TSHZ2: variants seen among roughly 807,000 people sequenced by gnomAD.
TSHZ2 encodes the protein teashirt zinc finger homeobox 2.
In TSHZ2, 21 loss-of-function variants were observed where a neutral mutation model predicts 74.4. The ratio of observed to expected loss-of-function variants is 0.28; its 90% CI spans 0.20 to 0.41. The LOEUF is 0.41. Among genes scored for constraint, TSHZ2 ranks in the 10% least tolerant of loss-of-function variants. The pLI, the probability that TSHZ2 is intolerant of heterozygous loss-of-function variation, is 1.00. For synonymous variants in TSHZ2, 540 were observed against 515.3 expected (o/e 1.05, Z -0.65); for missense variants, 1,244 against 1,293.5 (o/e 0.96, Z 0.59).
chr20:53,469,078 T>TATATATATATATATATATAC (rs1985667655), intron 2 of TSHZ2, among the ~76,000 whole-genome samples: 1 of 135,690 alleles, frequency 7.4e-6, no homozygotes, highest in Non-Finnish European at 1.6e-5. Flanking sequence ...TATATATATA[T>TATATATATATATATATATAC]ATATATGTAC....
intron 2 of TSHZ2, among the ~76,000 whole-genome samples, chr20:53,339,837 C>A (rs1980108546): frequency 6.6e-6 from 1 of 152,140 alleles, no homozygotes. Flanking sequence ...CTCCTAAATC[C>A]ACGCAAAACT....
chr20:53,473,001 G>T (rs1985872403), intron 2 of TSHZ2, among the ~76,000 whole-genome samples: 1 of 151,854 alleles, frequency 6.6e-6, no homozygotes, highest in Non-Finnish European at 1.5e-5. Context: ...GGCTGGGAGG[G>T]TCCTACGCCC....
intron 2 of TSHZ2, among the ~76,000 whole-genome samples, chr20:53,455,807 A>G (rs6068551): frequency 0.56 from 82,168 of 146,350 alleles, 23,222 homozygotes; most frequent in African/African-American, 0.68. Context: ...GAGAATATGC[A>G]GTGTTTGGTT....
intron 2 of TSHZ2, among the ~76,000 whole-genome samples, chr20:53,325,937 A>G (rs1261568566): frequency 4.6e-5 from 7 of 151,990 alleles, no homozygotes; most frequent in Admixed American, 6.6e-5. Flanking sequence ...ATCTGCCACC[A>G]CGCCCAGCTA....
rs576538688 is a variant in TSHZ2, at chr20:53,246,837, G to A, written c.41-6662G>A. Among the ~76,000 whole-genome samples, 36 of 152,288 alleles carry A rather than the reference G, an allele frequency of 2.4e-4. 1 individual carries two copies. The highest frequency in any genetic ancestry group is 8.2e-4 in the African/African-American group (34 of 41,550). On this transcript the variant is annotated intron_variant, in intron 1 of 2. Coordinates refer to ENST00000371497, the MANE Select transcript of TSHZ2 (RefSeq NM_173485.6). ...GTTTTACAGTCCAAAGAGCTGTAAC[G>A]ATGGCCCAGGAAAGAAGCAACAAGC...
chr20:53,301,205 ACCT>A (rs1170423451), intron 2 of TSHZ2, among the ~76,000 whole-genome samples: 1 of 152,016 alleles, frequency 6.6e-6, no homozygotes, highest in African/African-American at 2.4e-5. Context: ...TGATCCTCCC[ACCT>A]CAGCCTCCCA....
At chr20:53,394,277 G>A (rs892566083) in intron 2 of TSHZ2, among the ~76,000 whole-genome samples, 4 of 152,200 alleles carry the variant, frequency 2.6e-5, no homozygotes, top group Admixed American at 6.5e-5. Context: ...CCCAGTTGAG[G>A]TTTGGAATAA....
intron 1 of TSHZ2, among the ~76,000 whole-genome samples, chr20:53,144,609 T>C (rs948622788): frequency 1.3e-5 from 2 of 152,196 alleles, no homozygotes; most frequent in Non-Finnish European, 2.9e-5. Context: ...TATTAGGTAT[T>C]ATTATTATTC....
At chr20:52,985,493 A>C (rs1981719939) in intron 1 of TSHZ2, among the ~76,000 whole-genome samples, 1 of 152,178 alleles carries the variant, frequency 6.6e-6, no homozygotes, top group Admixed American at 6.5e-5. Context: ...GGGGATAATA[A>C]AACCCCCTTC....
intron 1 of TSHZ2, among the ~76,000 whole-genome samples, chr20:52,975,214 C>T (rs1487381484): frequency 1.3e-5 from 2 of 151,914 alleles, no homozygotes; most frequent in African/African-American, 2.4e-5. Flanking sequence ...CCCTGGGCTA[C>T]GGTCCAGCAA....
rs1223897480 is a variant in TSHZ2, at chr20:53,469,780, G to C, written c.*9-17364G>C. Among the ~76,000 whole-genome samples, 3 of 133,530 alleles carry C rather than the reference G, an allele frequency of 2.2e-5. 1 individual carries two copies. Among genetic ancestry groups the C allele is most frequent in the Non-Finnish European group, 4.9e-5 (3 of 61,466 alleles). 87.6% of individuals were successfully genotyped at this position (133,530 alleles called of 152,430 possible). A position where few individuals can be genotyped will look rare whatever the true frequency, so the allele number is the denominator to read the frequency against. ...AGATAGAGAGGGAGGAAGGGAGGGA[G>C]GGAGGGAGGAAGGAAGGAAGGAAGG... On this transcript the variant is annotated intron_variant, in intron 2 of 2. Coordinates refer to ENST00000371497, the MANE Select transcript of TSHZ2 (RefSeq NM_173485.6).
intron 2 of TSHZ2, among the ~76,000 whole-genome samples, chr20:53,389,541 C>T (rs538860454): frequency 4.9e-4 from 75 of 152,230 alleles, no homozygotes; most frequent in African/African-American, 1.6e-3. Flanking sequence ...CTAGCAAATG[C>T]TAGGAGGAGG....
At chr20:53,468,478 T>TTGTTGTTG (rs1295844924) in intron 2 of TSHZ2, among the ~76,000 whole-genome samples, 1 of 152,050 alleles carries the variant, frequency 6.6e-6, no homozygotes, top group Non-Finnish European at 1.5e-5. Context: ...GACATTTTTG[T>TTGTTGTTG]TGTTGTTGTT....
intron 2 of TSHZ2, among the ~76,000 whole-genome samples, chr20:53,469,832 G>C (rs1387681004): frequency 7.4e-6 from 1 of 134,566 alleles, no homozygotes; most frequent in Middle Eastern, 3.8e-3. Flanking sequence ...GAAAGAGAGA[G>C]GGAGGAAGGG....
chr20:53,170,305 A>G lies in TSHZ2; in HGVS notation c.41-83194A>G, dbSNP rs185991709. Among the ~76,000 whole-genome samples the G allele has an allele frequency of 4.1e-3, 631 of 152,352 alleles. 3 individuals carry two copies. The highest frequency in any genetic ancestry group is 0.014 in the African/African-American group (588 of 41,582). On this transcript the variant is annotated intron_variant, in intron 1 of 2. Coordinates refer to ENST00000371497, the MANE Select transcript of TSHZ2 (RefSeq NM_173485.6). ...TGACATCTAGGCTAAGAAGCCGTAG[A>G]CTGCAGCCTGTATCTACTGTAATGT...
At chr20:53,094,787 T>A (rs1985991067) in intron 1 of TSHZ2, among the ~76,000 whole-genome samples, 1 of 152,148 alleles carries the variant, frequency 6.6e-6, no homozygotes, top group African/African-American at 2.4e-5. Flanking sequence ...CTTCCAGAAA[T>A]CAGGACTGAT....
intron 1 of TSHZ2, among the ~76,000 whole-genome samples, chr20:53,043,488 CTGCT>C (rs1984119881): frequency 6.6e-6 from 1 of 152,064 alleles, no homozygotes; most frequent in Admixed American, 6.5e-5. Context: ...TTGAGAAACT[CTGCT>C]TGTAACCCTA....
chr20:53,467,691 G>A (rs996455571), intron 2 of TSHZ2, among the ~76,000 whole-genome samples: 2 of 152,186 alleles, frequency 1.3e-5, no homozygotes, highest in Non-Finnish European at 2.9e-5. Context: ...AAAATGGAAA[G>A]AGAATATCAA....
At chr20:53,154,994 A>G (rs111819560) in intron 1 of TSHZ2, among the ~76,000 whole-genome samples, 7 of 152,144 alleles carry the variant, frequency 4.6e-5, no homozygotes, top group African/African-American at 1.7e-4. Context: ...AAGTTGAAAA[A>G]AAAATAGTTA....
Sources: allele counts gnomAD v4.1 joint callset (sites outside exome capture counted in the v4.1 genomes callset), GRCh38; gene constraint gnomAD v4.1.1; transcripts MANE v1.5; gene names NCBI Gene and HGNC (gene_info 2026-07-23, HGNC 2026-07-21).